The following PCDH15 variants were observed in gnomAD, a reference collection of about 807,000 sequenced individuals.
PCDH15 encodes protocadherin related 15.
A neutral mutation model predicts 178.5 loss-of-function variants in PCDH15; 129 were observed. The observed-to-expected ratio is 0.72, with a 90% CI of 0.63 to 0.84. The LOEUF (loss-of-function observed/expected upper bound fraction) is 0.84, where lower values mean the gene tolerates loss of function less well. Among genes scored for constraint, PCDH15 ranks in the 40% least tolerant of loss-of-function variants. The probability of loss-of-function intolerance (pLI) is 0.00; values close to 1 mark genes in which losing one functional copy is unlikely to be tolerated. For synonymous variants in PCDH15, 800 were observed against 732.0 expected, an observed-to-expected ratio of 1.09 and a Z score of -1.50; for missense variants, 2,230 against 2,099.9, an observed-to-expected ratio of 1.06 and a Z score of -1.21.
At chr10:54,551,344 A>G (rs1354847023) in intron 2 of PCDH15, among the ~76,000 whole-genome samples, 3 of 151,974 alleles carry the variant, frequency 2.0e-5, no homozygotes, top group African/African-American at 7.2e-5. Context: ...ACTAAACTAA[A>G]TTAAAGGGAT....
chr10:54,159,242 TG>T (rs1409900185), intron 13 of PCDH15, among the ~76,000 whole-genome samples: 2 of 152,128 alleles, frequency 1.3e-5, no homozygotes, highest in African/African-American at 4.8e-5. Context: ...GGGGAGCAAT[TG>T]GCAAAAAAAC....
At chr10:54,879,974 A>T (rs1351177711) in intron 3 of PCDH15, among the ~76,000 whole-genome samples, 1 of 152,070 alleles carries the variant, frequency 6.6e-6, no homozygotes, top group Non-Finnish European at 1.5e-5. Context: ...ATTCGGCTAA[A>T]GTTTCAGTTC....
intron 8 of PCDH15, among the ~76,000 whole-genome samples, chr10:54,280,966 A>G (rs1235826210): frequency 6.6e-6 from 1 of 151,838 alleles, no homozygotes; most frequent in East Asian, 1.9e-4. Flanking sequence ...CTTTGCTTAA[A>G]CAAAGGCAGT....
intron 2 of PCDH15, among the ~76,000 whole-genome samples, chr10:55,068,887 C>T (rs998333576): frequency 6.6e-6 from 1 of 151,586 alleles, no homozygotes; most frequent in African/African-American, 2.4e-5. Context: ...ATTGCCTTCT[C>T]TGCTCCTTTT....
At chr10:54,104,011 G>A (rs1161132437) in intron 15 of PCDH15, among the ~76,000 whole-genome samples, 5 of 152,274 alleles carry the variant, frequency 3.3e-5, no homozygotes, top group Middle Eastern at 3.4e-3. Context: ...ACCTCTAGGG[G>A]CCCACAAGGA....
chr10:55,380,039 A>C (rs1259546497), intron 2 of PCDH15, among the ~76,000 whole-genome samples: 1 of 152,186 alleles, frequency 6.6e-6, no homozygotes, highest in Non-Finnish European at 1.5e-5. Flanking sequence ...AAAATAAGTT[A>C]GAGACAGTCA....
intron 2 of PCDH15, among the ~76,000 whole-genome samples, chr10:55,582,628 A>ATATATATATATTTTTT (rs780312007): frequency 5.8e-5 from 4 of 69,030 alleles, no homozygotes; most frequent in African/African-American, 2.7e-4. Context: ...ATATATATAT[A>ATATATATATATTTTTT]TTTTTTTTTT....
chr10:54,479,361 A>G (rs1416070139), intron 3 of PCDH15, among the ~76,000 whole-genome samples: 1 of 152,000 alleles, frequency 6.6e-6, no homozygotes, highest in Non-Finnish European at 1.5e-5. Context: ...AATAGTATTT[A>G]TGCTTAAAAC....
intron 2 of PCDH15, among the ~76,000 whole-genome samples, chr10:55,001,754 G>T (rs1839800838): frequency 6.6e-6 from 1 of 152,140 alleles, no homozygotes; most frequent in Non-Finnish European, 1.5e-5. Flanking sequence ...AGGCCAAGTA[G>T]GTGGAATGAG....
chr10:54,842,220 G>A (rs892800657), intron 3 of PCDH15, among the ~76,000 whole-genome samples: 1 of 151,414 alleles, frequency 6.6e-6, no homozygotes, highest in South Asian at 2.1e-4. Context: ...GAGAGAGAGA[G>A]AATATGAATA....
rs565011224 is a variant in PCDH15 at position 54,107,983 on chromosome 10, G to A, written c.1918-17920C>T. On this transcript the variant is annotated intron_variant, in intron 15 of 37. Transcript: ENST00000644397. ...TTCAAAGCCCAAAGATGGTTACAAG[G>A]GCATTTGTGTAGACTCTCATATGTG... 1.1e-3 allele frequency among the ~76,000 whole-genome samples: 162 copies of A among 152,224 alleles called. 1 individual carries two copies. The highest frequency in any genetic ancestry group is 3.7e-3 in the African/African-American group (152 of 41,536).
chr10:54,737,518 G>C (rs935090124), intron 1 of PCDH15, among the ~76,000 whole-genome samples: 3 of 152,084 alleles, frequency 2.0e-5, no homozygotes, highest in Non-Finnish European at 4.4e-5. Context: ...AAATTGAAAA[G>C]AGTGTTAACT....
At chr10:54,718,828 C>G (rs1338727688) in intron 1 of PCDH15, among the ~76,000 whole-genome samples, 1 of 151,666 alleles carries the variant, frequency 6.6e-6, no homozygotes, top group African/African-American at 2.4e-5. Context: ...TCCCAAGTAG[C>G]TGGCACTACA....
chr10:53,972,839 G>T (rs1284248443), intron 21 of PCDH15, among the ~76,000 whole-genome samples: 2 of 152,156 alleles, frequency 1.3e-5, no homozygotes, highest in Non-Finnish European at 2.9e-5. Context: ...TTACACTGTT[G>T]GTGGGACAGT....
intron 9 of PCDH15, 140 bp from the exon 10 acceptor site, chr10:54,214,188 G>A (rs1312450615): frequency 8.4e-6 from 5 of 596,804 alleles, no homozygotes; most frequent in South Asian, 1.7e-5. Context: ...TGCAGTTCAG[G>A]GAAAGCAGAC....
chr10:54,021,932 CTAAT>C (rs1480299572), intron 19 of PCDH15, among the ~76,000 whole-genome samples: 1 of 151,842 alleles, frequency 6.6e-6, no homozygotes, highest in Non-Finnish European at 1.5e-5. Flanking sequence ...AATAACTTAA[CTAAT>C]TAATTAATTG....
At chr10:54,627,169 T>A (rs2093578731) in intron 2 of PCDH15, among the ~76,000 whole-genome samples, 1 of 152,204 alleles carries the variant, frequency 6.6e-6, no homozygotes, top group South Asian at 2.1e-4. Flanking sequence ...CCTTGCCTTG[T>A]CTAGGATAAG....
intron 2 of PCDH15, among the ~76,000 whole-genome samples, chr10:55,625,088 T>C (rs1030198021): frequency 6.6e-6 from 1 of 152,168 alleles, no homozygotes; most frequent in Non-Finnish European, 1.5e-5. Flanking sequence ...AATCATAATG[T>C]TTAGTTAAAG....
chr10:55,249,379 T>C (rs908320496), intron 1 of PCDH15, among the ~76,000 whole-genome samples: 24 of 152,190 alleles, frequency 1.6e-4, no homozygotes, highest in Admixed American at 2.0e-4. Flanking sequence ...GCACTAGTTA[T>C]AGACAACATG....
Sources: allele counts gnomAD v4.1 joint callset (sites outside exome capture counted in the v4.1 genomes callset), GRCh38; gene constraint gnomAD v4.1.1; transcripts MANE v1.5; gene names NCBI Gene and HGNC (gene_info 2026-07-23, HGNC 2026-07-21).